ARFGEF2: variants seen among roughly 807,000 people sequenced by gnomAD.
The protein encoded by ARFGEF2 is brefeldin A-inhibited guanine nucleotide-exchange protein 2.
In ARFGEF2, 74 loss-of-function variants were observed where a neutral mutation model predicts 219.9. The observed-to-expected ratio is 0.34, with a 90% confidence interval of 0.28 to 0.41. ARFGEF2 has a LOEUF of 0.41. Ranked by LOEUF, ARFGEF2 falls within the 10% of genes least tolerant of loss-of-function variation. The pLI is 1.00. For synonymous variants in ARFGEF2, 733 were observed against 799.2 expected (o/e 0.92, Z 1.40); for missense variants, 1,743 against 2,218.3 (o/e 0.79, Z 4.30).
chr20:48,984,588 T>C (rs1474439566), intron 14 of ARFGEF2, 141 bp from the exon 15 acceptor site: 4 of 1,096,626 alleles, frequency 3.6e-6, no homozygotes, highest in Non-Finnish European at 5.5e-6. Flanking sequence ...TTAGAAAAGC[T>C]GCCAGGACAG....
chr20:48,922,541 A>G (rs1044122830), intron 1 of ARFGEF2, among the ~76,000 whole-genome samples: 3 of 152,252 alleles, frequency 2.0e-5, no homozygotes, highest in Non-Finnish European at 1.5e-5. Flanking sequence ...TCTCCCAGGC[A>G]TTGTAGTGAG....
intron 14 of ARFGEF2, among the ~76,000 whole-genome samples, chr20:48,983,928 AATGGGCTGGGC>A (rs2091311090): frequency 6.6e-6 from 1 of 152,064 alleles, no homozygotes; most frequent in East Asian, 1.9e-4. Flanking sequence ...GGAAATAAAA[AATGGGCTGGGC>A]ATGGTGGCTC....
intron 26 of ARFGEF2, among the ~76,000 whole-genome samples, chr20:49,005,747 A>AG (rs1378660032): frequency 2.7e-5 from 4 of 150,844 alleles, no homozygotes; most frequent in Admixed American, 2.6e-4. Flanking sequence ...CAAAAAAAAA[A>AG]AAAAAAAAAA....
intron 6 of ARFGEF2, among the ~76,000 whole-genome samples, chr20:48,958,537 C>T (rs1357972235): frequency 2.6e-5 from 4 of 151,704 alleles, no homozygotes; most frequent in East Asian, 1.9e-4. Flanking sequence ...CCTGGGTTCA[C>T]GCCATTCTCC....
Position 48,941,919 on chromosome 20 carries a change from C to T in ARFGEF2, c.208C>T (p.Leu70Phe). The T allele has an allele frequency of 6.2e-7, 1 of 1,614,236 alleles. No homozygotes were observed. The highest frequency in any genetic ancestry group is 1.1e-5 in the South Asian group (1 of 91,090). ...CTTCATTGAAGCTGACAAGTATTTT[C>T]TTCCATTCGAGCTAGCTTGCCAGTC... ...ANFIEADKYF[L>F]PFELACQSKS... Residue 70 changes from leucine (L) to phenylalanine (F), a missense_variant, in exon 3 of 39, where the codon CTT becomes TTT. By Grantham distance (22) the Leu-to-Phe change is conservative (BLOSUM62 0). Around this residue, in one of 5 missense-constraint regions of ARFGEF2, gnomAD observed 394 missense variants for 426.6 expected, o/e 0.92. Coordinates refer to ENST00000371917, the MANE Select transcript of ARFGEF2 (RefSeq NM_006420.3).
At chr20:48,930,533 C>T (rs1204951153) in intron 1 of ARFGEF2, among the ~76,000 whole-genome samples, 1 of 152,144 alleles carries the variant, frequency 6.6e-6, no homozygotes, top group African/African-American at 2.4e-5. Flanking sequence ...GATTGATAAG[C>T]TTGACTCTCC....
At chr20:48,995,234 A>C (rs143561484) in intron 22 of ARFGEF2, among the ~76,000 whole-genome samples, 1 of 152,350 alleles carries the variant, frequency 6.6e-6, no homozygotes, top group Non-Finnish European at 1.5e-5. Context: ...ATCATACTGC[A>C]AAGGAGTGGC....
At chr20:49,023,577 C>T (rs1218680141) in intron 35 of ARFGEF2, among the ~76,000 whole-genome samples, 1 of 143,996 alleles carries the variant, frequency 6.9e-6, no homozygotes, top group Non-Finnish European at 1.5e-5. Context: ...CTCGCTCTGT[C>T]GCCCAGGCTG....
At chr20:48,929,279 T>TAA (rs1199064639) in intron 1 of ARFGEF2, among the ~76,000 whole-genome samples, 1 of 152,260 alleles carries the variant, frequency 6.6e-6, no homozygotes, top group Non-Finnish European at 1.5e-5. Flanking sequence ...GTTTTATACC[T>TAA]TTGTGAGGAG....
intron 25 of ARFGEF2, among the ~76,000 whole-genome samples, chr20:49,001,948 A>G (rs986581518): frequency 6.6e-6 from 1 of 152,222 alleles, no homozygotes; most frequent in African/African-American, 2.4e-5. Context: ...AGAAATTGTA[A>G]TAAAATACAC....
At chr20:48,970,827 T>A (rs575684703) in intron 9 of ARFGEF2, among the ~76,000 whole-genome samples, 1 of 152,282 alleles carries the variant, frequency 6.6e-6, no homozygotes, top group East Asian at 1.9e-4. Flanking sequence ...TCATTGATTC[T>A]TGCAGTACAG....
intron 34 of ARFGEF2, among the ~76,000 whole-genome samples, chr20:49,021,500 C>A (rs1205021230): frequency 6.6e-6 from 1 of 152,060 alleles, no homozygotes; most frequent in Non-Finnish European, 1.5e-5. Context: ...TATAGTTAGT[C>A]TACTCAGTAA....
chr20:49,013,515 T>C (rs750433305), intron 28 of ARFGEF2, 49 bp from the exon 29 acceptor site: 1 of 1,613,378 alleles, frequency 6.2e-7, no homozygotes, highest in Non-Finnish European at 8.5e-7. Flanking sequence ...TTTCAGTTCC[T>C]TCCTTTTGCA....
intron 26 of ARFGEF2, among the ~76,000 whole-genome samples, chr20:49,008,688 T>C (rs895582740): frequency 1.3e-5 from 2 of 150,134 alleles, no homozygotes; most frequent in Admixed American, 6.6e-5. Context: ...CCATATGAAA[T>C]ACCATATATC....
intron 6 of ARFGEF2, among the ~76,000 whole-genome samples, chr20:48,959,951 TA>T (rs573370970): frequency 7.4e-4 from 113 of 152,276 alleles, no homozygotes; most frequent in African/African-American, 2.5e-3. Context: ...ATTCAGAAAA[TA>T]TAACTAATGT....
chr20:48,999,726 G>A (rs1039350989), intron 25 of ARFGEF2, among the ~76,000 whole-genome samples: 11 of 140,288 alleles, frequency 7.8e-5, no homozygotes, highest in Non-Finnish European at 1.4e-4. Flanking sequence ...CAGCCTGGGC[G>A]ACAGAGCGAG....
At chr20:48,961,696 T>G (rs2091153037) in intron 6 of ARFGEF2, among the ~76,000 whole-genome samples, 2 of 152,002 alleles carry the variant, frequency 1.3e-5, no homozygotes, top group South Asian at 4.2e-4. Flanking sequence ...AAACCCTGTC[T>G]CTACTAAAAA....
chr20:48,934,119 C>CAA (rs11476863), intron 1 of ARFGEF2, among the ~76,000 whole-genome samples: 124 of 56,064 alleles, frequency 2.2e-3, no homozygotes, highest in East Asian at 9.0e-3. Flanking sequence ...GACTTCATCT[C>CAA]AAAAAAAAAA....
chr20:48,984,745 A>G lies in ARFGEF2; in HGVS notation c.1975A>G (p.Lys659Glu). Reference protein sequence around the residue: ...HGIELFNKKPKRGIQFLQEQG... With the variant: ...HGIELFNKKPERGIQFLQEQG... ...TTGAAACAGGTTCAACAAGAAACCC[A>G]AGAGGGGGATCCAGTTTCTCCAGGA... Residue 659 changes from lysine (K) to glutamate (E), a missense_variant, in exon 15 of 39, where the codon AAG becomes GAG. Around this residue, in one of 5 missense-constraint regions of ARFGEF2, gnomAD observed 666 missense variants for 955.4 expected, o/e 0.70. Coordinates refer to ENST00000371917, the MANE Select transcript of ARFGEF2 (RefSeq NM_006420.3). 2 of 1,614,054 alleles carry G rather than the reference A, an allele frequency of 1.2e-6. No homozygotes were observed. The highest frequency in any genetic ancestry group is 1.7e-6 in the Non-Finnish European group (2 of 1,180,030).
Sources: gnomAD v4.1 joint callset for allele counts (sites outside exome capture counted in the v4.1 genomes callset) on GRCh38, gnomAD v4.1.1 for gene constraint, gnomAD v4.1.1 regional missense constraint, MANE v1.5 for transcripts, NCBI Gene and HGNC (gene_info 2026-07-23, HGNC 2026-07-21) for gene names.